SARAF: variants seen among roughly 807,000 people sequenced by gnomAD.
SARAF encodes the protein store-operated calcium entry associated regulatory factor.
Under a neutral mutation model 39.7 loss-of-function variants are expected in SARAF, and 23 were observed. The observed-to-expected ratio is 0.58, with a 90% CI of 0.42 to 0.82. The LOEUF (loss-of-function observed/expected upper bound fraction) is 0.82. SARAF is among the 40% of genes least tolerant of loss of function. The pLI is 0.00. For missense variants in SARAF, 384 were observed against 418.5 expected (o/e 0.92, Z 0.72); for synonymous variants, 175 against 168.5 (o/e 1.04, Z -0.30).
In SARAF at chr8:30,082,854, G is replaced by C. The variant is rs2117449736; in HGVS notation, c.96C>G (p.Asn32Lys). Residue 32 changes from asparagine to lysine, a missense_variant, in exon 1 of 6, where the codon AAC (asparagine) becomes AAG (lysine). Asn to Lys is a moderately conservative substitution (Grantham distance 94, BLOSUM62 0). Transcript: ENST00000256255. ...LLTAGPALGW[N>K]DPDRMLLRDV... ...GGCCCTGGCAGCACTCACCAGGGTC[G>C]TTCCAGCCCAGGGCAGGGCCCGCGG... The C allele has an allele frequency of 6.5e-7, 1 of 1,548,238 alleles. No individual in the cohort carries two copies. The highest frequency in any genetic ancestry group is 2.5e-5 in the East Asian group (1 of 39,980).
Position 30,082,962 on chromosome 8 carries a change from A to G in SARAF, c.-13T>C. ...AGGCTGCGGCCATGGCGCTCGATGA[A>G]GATGGCGCCGGGCTGCCAGACGCCT... is the stretch of plus-strand genomic sequence containing the variant. On this transcript the variant is annotated 5_prime_UTR_variant, in exon 1 of 6. Transcript: ENST00000256255. The G allele has an allele frequency of 6.5e-7, 1 of 1,538,278 alleles. No individual in the cohort carries two copies. The highest frequency in any genetic ancestry group is 2.5e-5 in the East Asian group (1 of 39,516).
intron 3 of SARAF, among the ~76,000 whole-genome samples, chr8:30,068,173 A>G (rs993160695): frequency 6.6e-6 from 1 of 152,180 alleles, no homozygotes; most frequent in Non-Finnish European, 1.5e-5. Context: ...GCCACACAGC[A>G]GGAGGTGAAC....
In SARAF at chr8:30,066,905, A is replaced by G. The variant is rs1215363826; in HGVS notation, c.714T>C (p.Thr238=). ...FKSEFTGPQN[T]GHGATSGFGS... is the part of the protein sequence containing the mutation. ...CAAAACCAGAAGTTGCACCATGGCC[A>G]GTATTCTGTGGTCCTTAAAATAAAA... The change falls in exon 4 of 6, where the codon ACT becomes ACC. Residue 238 remains threonine, a synonymous_variant. Transcript: ENST00000256255. 1.2e-6 allele frequency: 2 copies of G among 1,614,034 alleles called. No homozygotes were observed. Among genetic ancestry groups the G allele is most frequent in the Non-Finnish European group, 1.7e-6 (2 of 1,180,006 alleles).
chr8:30,079,582 A>G (rs904565885), intron 1 of SARAF, among the ~76,000 whole-genome samples: 1 of 152,244 alleles, frequency 6.6e-6, no homozygotes, highest in Non-Finnish European at 1.5e-5. Context: ...ATTGTAACAG[A>G]GTTGCAATAA....
rs1802040854 is a variant in SARAF at position 30,079,131 on chromosome 8, C to G, written c.103+3716G>C. Among the ~76,000 whole-genome samples the G allele has an allele frequency of 2.2e-5, 3 of 138,732 alleles. No individual in the cohort carries two copies. The Admixed American group carries it at 2.3e-4, about 11-fold the overall frequency. The allele number at this position is 138,732 out of a possible 152,430, so 91.0% of individuals were successfully genotyped here. ...GATATTGCTACCACTGCACTCCAGC[C>G]TGGGCGACAAGAGTGAAACTCCATC... On this transcript the variant is annotated intron_variant, in intron 1 of 5. Coordinates refer to ENST00000256255, the MANE Select transcript of SARAF (RefSeq NM_016127.6).
At chr8:30,064,389 T>C (rs1801624235) in intron 5 of SARAF, among the ~76,000 whole-genome samples, 1 of 151,756 alleles carries the variant, frequency 6.6e-6, no homozygotes, top group Non-Finnish European at 1.5e-5. Flanking sequence ...AGAAAGTCTC[T>C]CAATTATTTT....
intron 1 of SARAF, among the ~76,000 whole-genome samples, chr8:30,082,575 C>A (rs1802130513): frequency 6.6e-6 from 1 of 152,222 alleles, no homozygotes; most frequent in Non-Finnish European, 1.5e-5. Context: ...CGACAATGGG[C>A]AAATTCCGGG....
At chr8:30,071,227 G>C (rs1043571715) in intron 2 of SARAF, among the ~76,000 whole-genome samples, 1 of 152,136 alleles carries the variant, frequency 6.6e-6, no homozygotes, top group African/African-American at 2.4e-5. Context: ...TGTAATCCCA[G>C]CTACTTCAAA....
At chr8:30,065,953 C>T (rs558233091) in intron 5 of SARAF, 35 bp downstream of exon 5, 2 of 1,612,908 alleles carry the variant, frequency 1.2e-6, no homozygotes, top group African/African-American at 2.7e-5. Flanking sequence ...GTACTTTACT[C>T]CTAGGTAAAA....
intron 2 of SARAF, among the ~76,000 whole-genome samples, chr8:30,071,115 C>T (rs1240113074): frequency 1.3e-5 from 2 of 152,204 alleles, no homozygotes; most frequent in East Asian, 1.9e-4. Flanking sequence ...CCAAGGTGGG[C>T]GGATCACCTG....
chr8:30,083,045 C>G lies in SARAF; in HGVS notation c.-96G>C. ...ACGCTGCGCAGCTACACCGCTACCC[C>G]TGGCGGCGGCGAAGGAACGGCCCGA... On this transcript the variant is annotated 5_prime_UTR_variant, in exon 1 of 6. Transcript: ENST00000256255. 1.1e-6 allele frequency: 1 copy of G among 927,500 alleles called. No homozygotes were observed. The highest frequency in any genetic ancestry group is 3.2e-5 in the East Asian group (1 of 31,400). 57.5% of individuals were successfully genotyped at this position (927,500 alleles called of 1,614,324 possible).
At chr8:30,078,237 CA>C in intron 1 of SARAF, 1 of 444,396 alleles carries the variant, frequency 2.3e-6, no homozygotes, top group Admixed American at 2.4e-5. Flanking sequence ...TCAGAAAGTC[CA>C]AAAATCCAAC....
At chr8:30,075,702 C>T (rs76804732) in intron 1 of SARAF, among the ~76,000 whole-genome samples, 15,900 of 152,084 alleles carry the variant, frequency 0.1, 897 homozygotes, top group East Asian at 0.21. Flanking sequence ...TAATAGGCAT[C>T]GCTTTCTACC....
chr8:30,074,128 A>T, intron 1 of SARAF, 73 bp from the exon 2 acceptor site: 2 of 1,507,676 alleles, frequency 1.3e-6, no homozygotes, highest in Non-Finnish European at 1.8e-6. Flanking sequence ...TCCTAACGAA[A>T]CTCTCGTCAT....
chr8:30,066,227 A>G (rs894126638), intron 4 of SARAF, 88 bp from the exon 5 acceptor site: 4 of 1,320,464 alleles, frequency 3.0e-6, no homozygotes, highest in African/African-American at 3.0e-5. Flanking sequence ...TCAGAAAAAA[A>G]TATCTTTATC....
chr8:30,077,968 C>T (rs754636789), intron 1 of SARAF, among the ~76,000 whole-genome samples: 3 of 151,380 alleles, frequency 2.0e-5, no homozygotes, highest in Non-Finnish European at 4.4e-5. Context: ...GGTGAAACCC[C>T]GTCTCTACTA....
intron 2 of SARAF, 61 bp downstream of exon 2, chr8:30,073,816 C>A: frequency 6.8e-7 from 1 of 1,476,604 alleles, no homozygotes. Context: ...AATAATGTCC[C>A]AATAAACAAT....
At position 30,083,023 on chromosome 8, in the gene SARAF, C is replaced by T; in HGVS notation, c.-74G>A. On this transcript the variant is annotated 5_prime_UTR_variant, in exon 1 of 6. Coordinates refer to ENST00000256255, the MANE Select transcript of SARAF (RefSeq NM_016127.6). ...CCTGGGTGCGGTAGCGCGCGCGACG[C>T]TGCGCAGCTACACCGCTACCCCTGG... 8.6e-7 allele frequency: 1 copy of T among 1,161,612 alleles called. No individual in the cohort carries two copies. Among genetic ancestry groups the T allele is most frequent in the Non-Finnish European group, 1.2e-6 (1 of 829,678 alleles). The allele number at this position is 1,161,612 out of a possible 1,614,324, so 72.0% of individuals were successfully genotyped here.
Position 30,077,938 on chromosome 8 carries a change from G to A in SARAF, c.104-3883C>T, listed in dbSNP as rs371967922. Among the ~76,000 whole-genome samples the A allele has an allele frequency of 6.6e-5, 10 of 151,392 alleles. No individual in the cohort carries two copies. In the East Asian group the frequency reaches 1.9e-3, roughly 29 times the overall value. On this transcript the variant is annotated intron_variant, in intron 1 of 5. Coordinates refer to ENST00000256255, the MANE Select transcript of SARAF (RefSeq NM_016127.6). Reference sequence around the variant, plus strand: ...AGGCAGATCACAAGGTCAGGAGTTCGAGACCAGTCTGGCAAATATGGTGAA... The same window carrying A: ...AGGCAGATCACAAGGTCAGGAGTTCAAGACCAGTCTGGCAAATATGGTGAA...
Sources: gnomAD v4.1 joint callset for allele counts (sites outside exome capture counted in the v4.1 genomes callset) on GRCh38, gnomAD v4.1.1 for gene constraint, MANE v1.5 for transcripts, NCBI Gene and HGNC (gene_info 2026-07-23, HGNC 2026-07-21) for gene names.